SPMAP2L: variants seen among roughly 807,000 people sequenced by gnomAD.
SPMAP2L encodes sperm microtubule associated protein 2 like, also known as sperm microtubule associated protein 2-like.
the SPMAP2L span, among the ~76,000 whole-genome samples, chr4:56,578,445 T>C: frequency 3.0e-4 from 46 of 151,742 alleles, no homozygotes; most frequent in Non-Finnish European, 5.9e-4. Context: ...ACAAAAAATA[T>C]ATAGAAAAAA....
chr4:56,594,890 T>A, the SPMAP2L span: 1 of 1,611,114 alleles, frequency 6.2e-7, no homozygotes, highest in Non-Finnish European at 8.5e-7. Flanking sequence ...AGACTTTGGG[T>A]CTGATGTCTC....
At chr4:56,593,307 AT>A in the SPMAP2L span, 1 of 1,176,820 alleles carries the variant, frequency 8.5e-7, no homozygotes, top group Non-Finnish European at 1.3e-6. Flanking sequence ...AGAGGAGGAA[AT>A]TTTTTGTTGA....
chr4:56,612,567 A>T, the SPMAP2L span, among the ~76,000 whole-genome samples: 1 of 141,336 alleles, frequency 7.1e-6, no homozygotes, highest in African/African-American at 2.8e-5. Flanking sequence ...TGCTTACTGA[A>T]TTGTTTACTT....
the SPMAP2L span, among the ~76,000 whole-genome samples, chr4:56,597,707 A>C: frequency 6.6e-6 from 1 of 152,068 alleles, no homozygotes; most frequent in Non-Finnish European, 1.5e-5. Context: ...GGTTTATTTT[A>C]TTTTTTAAGG....
the SPMAP2L span, among the ~76,000 whole-genome samples, chr4:56,533,353 C>G: frequency 6.6e-6 from 1 of 152,164 alleles, no homozygotes. Context: ...TCCTTTCCTC[C>G]TCGCTCTTAG....
chr4:56,545,718 C>CA, the SPMAP2L span, among the ~76,000 whole-genome samples: 32,035 of 93,864 alleles, frequency 0.34, 4,651 homozygotes, highest in Admixed American at 0.43. Flanking sequence ...GACCCTGTCT[C>CA]AAAAAAAAAA....
chr4:56,610,911 GA>G, the SPMAP2L span, among the ~76,000 whole-genome samples: 1 of 152,174 alleles, frequency 6.6e-6, no homozygotes, highest in Non-Finnish European at 1.5e-5. Context: ...CCTTACTCCT[GA>G]AAGGATGGCC....
At chr4:56,581,395 C>T in the SPMAP2L span, among the ~76,000 whole-genome samples, 4 of 152,010 alleles carry the variant, frequency 2.6e-5, no homozygotes, top group African/African-American at 9.7e-5. Flanking sequence ...GCAGAGGTTA[C>T]AGTGAACCGA....
chr4:56,533,084 A>G, the SPMAP2L span, among the ~76,000 whole-genome samples: 1 of 150,606 alleles, frequency 6.6e-6, no homozygotes, highest in Non-Finnish European at 1.5e-5. Context: ...CAACAATGGA[A>G]TTACTCCCTT....
the SPMAP2L span, among the ~76,000 whole-genome samples, chr4:56,615,147 C>G: frequency 6.6e-6 from 1 of 152,312 alleles, no homozygotes; most frequent in African/African-American, 2.4e-5. Context: ...TCAGGCTGCT[C>G]TGATTTGTGA....
At chr4:56,594,152 G>C in the SPMAP2L span, 6 of 1,612,126 alleles carry the variant, frequency 3.7e-6, no homozygotes, top group East Asian at 1.3e-4. Context: ...ACTGGTTGCT[G>C]AAAGCATGGG....
chr4:56,625,476 C>CCCAAAT, the SPMAP2L span, among the ~76,000 whole-genome samples: 11 of 152,198 alleles, frequency 7.2e-5, no homozygotes, highest in South Asian at 2.3e-3. Context: ...TATGTTCCCA[C>CCCAAAT]CCAAATCTCA....
chr4:56,575,297 CTGTTT>C, the SPMAP2L span, among the ~76,000 whole-genome samples: 1 of 151,952 alleles, frequency 6.6e-6, no homozygotes, highest in Non-Finnish European at 1.5e-5. Context: ...AGAAAACTAT[CTGTTT>C]TGAGTATAAT....
chr4:56,564,000 G>A, the SPMAP2L span, among the ~76,000 whole-genome samples: 2 of 152,124 alleles, frequency 1.3e-5, no homozygotes, highest in African/African-American at 4.8e-5. Flanking sequence ...TTTTTGGTGA[G>A]AAGGTTTTTT....
At chr4:56,595,410 A>G in the SPMAP2L span, 1 of 1,605,688 alleles carries the variant, frequency 6.2e-7, no homozygotes, top group Non-Finnish European at 8.5e-7. Flanking sequence ...AGCTGGACAG[A>G]TTCTGTGATG....
the SPMAP2L span, among the ~76,000 whole-genome samples, chr4:56,567,754 C>T: frequency 1.3e-5 from 2 of 151,948 alleles, no homozygotes; most frequent in Non-Finnish European, 1.5e-5. Context: ...GAGACTTTGA[C>T]TGTTATTTTG....
the SPMAP2L span, among the ~76,000 whole-genome samples, chr4:56,576,373 T>G: frequency 3.9e-5 from 6 of 152,194 alleles, no homozygotes; most frequent in South Asian, 4.1e-4. Context: ...GGTTGACATC[T>G]GGAAGAGGAA....
At chr4:56,533,043 G>T in the SPMAP2L span, among the ~76,000 whole-genome samples, 1 of 152,084 alleles carries the variant, frequency 6.6e-6, no homozygotes, top group African/African-American at 2.4e-5. Context: ...CTTATGTCCT[G>T]CTGTCTCTCC....
the SPMAP2L span, among the ~76,000 whole-genome samples, chr4:56,587,265 C>CATTGATTG: frequency 3.4e-3 from 511 of 150,914 alleles, 2 homozygotes; most frequent in Non-Finnish European, 5.2e-3. Context: ...TTCCTTGGTC[C>CATTGATTG]ATTGATTGAT....
Sources: allele counts gnomAD v4.1 joint callset (sites outside exome capture counted in the v4.1 genomes callset), GRCh38; gene constraint gnomAD v4.1.1; transcripts MANE v1.5; gene names NCBI Gene and HGNC (gene_info 2026-07-23, HGNC 2026-07-21).